Variants in SATB2 observed in about 807,000 individuals in gnomAD.
SATB2 encodes DNA-binding protein SATB2.
SATB2 carries 1 observed loss-of-function variant against 73.4 expected under a neutral mutation model. The ratio of observed to expected loss-of-function variants is 0.01; its 90% CI spans 0.00 to 0.06. The LOEUF is 0.06. Ranked by LOEUF, SATB2 falls within the 10% of genes least tolerant of loss-of-function variation. The pLI is 1.00. For missense variants in SATB2, 459 were observed against 945.8 expected (o/e 0.49, Z 6.75); for synonymous variants, 397 against 367.0 (o/e 1.08, Z -0.93).
chr2:199,392,005 A>T (rs1193381560), intron 3 of SATB2, among the ~76,000 whole-genome samples: 1 of 152,132 alleles, frequency 6.6e-6, no homozygotes, highest in Non-Finnish European at 1.5e-5. Flanking sequence ...GCAGATTACT[A>T]AGAACTATGG....
At chr2:199,461,809 T>C (rs918703354), upstream of SATB2, among the ~76,000 whole-genome samples, 1 of 152,256 alleles carries the variant, frequency 6.6e-6, no homozygotes, top group African/African-American at 2.4e-5. Flanking sequence ...TTTTTCTTAT[T>C]TCCATCTTCT....
intron 8 of SATB2, among the ~76,000 whole-genome samples, chr2:199,324,982 A>G (rs1211668806): frequency 6.6e-6 from 1 of 152,134 alleles, no homozygotes; most frequent in East Asian, 1.9e-4. Context: ...GGATGCCCTG[A>G]GCTGTTCTCT....
chr2:199,326,614 C>T (rs1688035980), intron 8 of SATB2, among the ~76,000 whole-genome samples: 2 of 152,044 alleles, frequency 1.3e-5, no homozygotes, highest in African/African-American at 4.8e-5. Context: ...AGAAGAGCTG[C>T]CTTGTCAAAT....
rs1306833738 is a variant in SATB2, at chr2:199,270,621, TAAGTAG to T, written c.*1584_*1589del. The T allele has an allele frequency of 2.6e-5, 4 of 152,322 alleles. No homozygotes were observed. The East Asian group carries it at 7.5e-4, about 29-fold the overall frequency. 9.4% of individuals were successfully genotyped at this position (152,322 alleles called of 1,614,324 possible). A position where few individuals can be genotyped will look rare whatever the true frequency, so the allele number is the denominator to read the frequency against. On this transcript the variant is annotated 3_prime_UTR_variant, in exon 11 of 11. Coordinates refer to ENST00000417098, the MANE Select transcript of SATB2 (RefSeq NM_001172509.2). ...GTGAGGTCTCCTCTTGCAATTACTG[TAAGTAG>T]AAGTGGAAAGTAATGCTTCTGGTGT...
chr2:199,320,630 C>T (rs900689405), intron 9 of SATB2, among the ~76,000 whole-genome samples: 4 of 152,114 alleles, frequency 2.6e-5, no homozygotes, highest in African/African-American at 9.7e-5. Context: ...ACACACACTT[C>T]CCAGTAATGG....
intron 10 of SATB2, among the ~76,000 whole-genome samples, chr2:199,304,174 T>C (rs1687366742): frequency 6.6e-6 from 1 of 152,150 alleles, no homozygotes; most frequent in Non-Finnish European, 1.5e-5. Flanking sequence ...TTCCAGTTTT[T>C]CCAATTGTAA....
intron 3 of SATB2, among the ~76,000 whole-genome samples, chr2:199,422,916 C>T (rs1239176377): frequency 1.3e-5 from 2 of 152,080 alleles, no homozygotes; most frequent in Non-Finnish European, 2.9e-5. Context: ...TTAATATAAG[C>T]TAATTGTAAC....
At chr2:199,404,773 A>G (rs1469908942) in intron 3 of SATB2, among the ~76,000 whole-genome samples, 1 of 152,242 alleles carries the variant, frequency 6.6e-6, no homozygotes, top group Non-Finnish European at 1.5e-5. Context: ...CCAAAGTATT[A>G]TATCACATTG....
chr2:199,361,181 T>C (rs1286052889), intron 6 of SATB2, among the ~76,000 whole-genome samples: 1 of 152,202 alleles, frequency 6.6e-6, no homozygotes, highest in Non-Finnish European at 1.5e-5. Flanking sequence ...CTAATGGACA[T>C]TTCTACCTAG....
chr2:199,389,003 T>C (rs1690040376), intron 3 of SATB2, among the ~76,000 whole-genome samples: 1 of 152,128 alleles, frequency 6.6e-6, no homozygotes, highest in Non-Finnish European at 1.5e-5. Context: ...AATAAGAACA[T>C]AGAATTATTT....
chr2:199,308,798 T>A lies in SATB2; in HGVS notation c.1702A>T (p.Met568Leu), dbSNP rs761112090. 6.2e-7 allele frequency: 1 copy of A among 1,614,120 alleles called. No homozygotes were observed. Among genetic ancestry groups the A allele is most frequent in the South Asian group, 1.1e-5 (1 of 91,070 alleles). ...GGGGGAAGCTGGACCACGTGTTGCA[T>A]GCGTTCGCTGTGGTGATGCCTTGAC... is the stretch of plus-strand genomic sequence containing the variant. The part of the protein sequence containing the change: ...EESRHHHSER[M>L]QHVVQLPPEP... The change falls in exon 10 of 11, where the codon ATG (methionine) becomes TTG (leucine). Residue 568 changes from methionine (M) to leucine (L), a missense_variant. Physicochemically the swap from Met to Leu is conservative, Grantham distance 15. Coordinates refer to ENST00000417098, the MANE Select transcript of SATB2 (RefSeq NM_001172509.2). The surrounding 1 kb of genome is among the most constrained non-coding windows in gnomAD (Gnocchi z 4.6).
intron 3 of SATB2, among the ~76,000 whole-genome samples, chr2:199,382,254 G>C (rs1317152524): frequency 6.6e-6 from 1 of 152,184 alleles, no homozygotes; most frequent in Non-Finnish European, 1.5e-5. Flanking sequence ...TCAGCACGCA[G>C]TTACATCCTG....
chr2:199,329,013 C>G, intron 7 of SATB2, 103 bp from the exon 8 acceptor site: 1 of 854,544 alleles, frequency 1.2e-6, no homozygotes. Context: ...TTAACCAGCT[C>G]GCTGTGATGT....
chr2:199,433,600 A>G, intron 2 of SATB2, 86 bp from the exon 3 acceptor site: 1 of 1,218,526 alleles, frequency 8.2e-7, no homozygotes, highest in Non-Finnish European at 1.2e-6. Context: ...AACAGTTATA[A>G]AAGTCAGTCA....
At chr2:199,302,701 T>A (rs1687320795) in intron 10 of SATB2, among the ~76,000 whole-genome samples, 1 of 152,222 alleles carries the variant, frequency 6.6e-6, no homozygotes, top group Non-Finnish European at 1.5e-5. Context: ...AGAGAATTTG[T>A]AAACATTCTT....
intron 3 of SATB2, among the ~76,000 whole-genome samples, chr2:199,412,789 G>C (rs1246902332): frequency 6.6e-6 from 1 of 152,060 alleles, no homozygotes; most frequent in African/African-American, 2.4e-5. Context: ...AGTCACAGAT[G>C]AGAAATAAAA....
intron 6 of SATB2, among the ~76,000 whole-genome samples, chr2:199,361,561 G>A (rs557952683): frequency 1.3e-5 from 2 of 150,228 alleles, no homozygotes; most frequent in Non-Finnish European, 3.0e-5. Flanking sequence ...CCCTCATACA[G>A]CTTCAGATGG....
At chr2:199,347,166 C>T (rs1007834944) in intron 7 of SATB2, 2 of 152,156 alleles carry the variant, frequency 1.3e-5, no homozygotes, top group African/African-American at 4.8e-5. Context: ...GCCACTGTGC[C>T]CAGCCCCTTA....
intron 3 of SATB2, among the ~76,000 whole-genome samples, chr2:199,412,699 A>G (rs185787609): frequency 6.6e-6 from 1 of 152,220 alleles, no homozygotes; most frequent in East Asian, 1.9e-4. Context: ...TTTTATCACA[A>G]TGATTTGAGA....
Sources: gnomAD v4.1 joint callset for allele counts (sites outside exome capture counted in the v4.1 genomes callset) on GRCh38, gnomAD v4.1.1 for gene constraint, Gnocchi (gnomAD v3.1) non-coding constraint, MANE v1.5 for transcripts, NCBI Gene and HGNC (gene_info 2026-07-23, HGNC 2026-07-21) for gene names.